ZNF804B: variants seen among roughly 807,000 people sequenced by gnomAD.
The protein encoded by ZNF804B is zinc finger 804B.
ZNF804B carries 80 observed loss-of-function variants against 101.4 expected under a neutral mutation model. That is an observed-to-expected ratio of 0.79 (90% CI 0.66 to 0.95). The LOEUF is 0.95. Among genes scored for constraint, ZNF804B ranks in the 40% least tolerant of loss-of-function variants. The probability of loss-of-function intolerance (pLI) is 0.00; values close to 1 mark genes in which losing one functional copy is unlikely to be tolerated. For missense variants in ZNF804B, 1,673 were observed against 1,561.9 expected (o/e 1.07, Z -1.20); for synonymous variants, 622 against 558.8 (o/e 1.11, Z -1.59).
intron 1 of ZNF804B, among the ~76,000 whole-genome samples, chr7:88,847,393 A>G (rs1360343941): frequency 6.6e-6 from 1 of 152,074 alleles, no homozygotes; most frequent in Non-Finnish European, 1.5e-5. Context: ...TTTTTAAAAA[A>G]TATATTTAGC....
chr7:89,075,719 A>G (rs1008088181), intron 1 of ZNF804B, among the ~76,000 whole-genome samples: 2 of 152,216 alleles, frequency 1.3e-5, no homozygotes, highest in South Asian at 2.1e-4. Context: ...CCAGAATGGT[A>G]GATAACACTG....
At chr7:89,191,988 T>C (rs951926057) in intron 1 of ZNF804B, among the ~76,000 whole-genome samples, 2 of 151,890 alleles carry the variant, frequency 1.3e-5, no homozygotes, top group Non-Finnish European at 2.9e-5. Context: ...AATTATAAAC[T>C]CTAAAAAAAA....
intron 1 of ZNF804B, among the ~76,000 whole-genome samples, chr7:88,944,673 T>C (rs1793101485): frequency 6.6e-6 from 1 of 151,812 alleles, no homozygotes; most frequent in African/African-American, 2.4e-5. Context: ...GTAATAAAAG[T>C]AACCAGAGTC....
Position 88,887,669 on chromosome 7 carries a change from A to G in ZNF804B, c.108+127585A>G, listed in dbSNP as rs1583998491. 3.9e-5 allele frequency among the ~76,000 whole-genome samples: 6 copies of G among 152,044 alleles called. 1 individual carries two copies. Among genetic ancestry groups the G allele is most frequent in the Admixed American group, 3.9e-4 (6 of 15,252 alleles). On this transcript the variant is annotated intron_variant, in intron 1 of 3. Coordinates refer to ENST00000333190, the MANE Select transcript of ZNF804B (RefSeq NM_181646.5). ...TAATGAGCCCTTTCCATATATTCTAATTGTGAATCTTGATCATAATTATAT... is the reference window on the plus strand; with the variant it reads ...TAATGAGCCCTTTCCATATATTCTAGTTGTGAATCTTGATCATAATTATAT...
At chr7:88,813,320 C>A (rs918138749) in intron 1 of ZNF804B, among the ~76,000 whole-genome samples, 1 of 150,474 alleles carries the variant, frequency 6.6e-6, no homozygotes, top group African/African-American at 2.4e-5. Context: ...CCAGCTACTC[C>A]GGAGGCTGAG....
In ZNF804B at chr7:88,975,545, A is replaced by G. The variant is rs185629550; in HGVS notation, c.108+215461A>G. Among the ~76,000 whole-genome samples, 12 of 151,504 alleles carry G rather than the reference A, an allele frequency of 7.9e-5. No homozygotes were observed. The Admixed American group carries it at 7.9e-4, about 10-fold the overall frequency. On this transcript the variant is annotated intron_variant, in intron 1 of 3. Coordinates refer to ENST00000333190, the MANE Select transcript of ZNF804B (RefSeq NM_181646.5). Reference sequence around the variant, plus strand: ...ATCTCTCATGATCCTTGACACTGAGATATACCTGTTTGCCATTTGTATGTC... The same window carrying G: ...ATCTCTCATGATCCTTGACACTGAGGTATACCTGTTTGCCATTTGTATGTC...
chr7:88,922,409 C>A (rs1028770819), intron 1 of ZNF804B, among the ~76,000 whole-genome samples: 8 of 151,976 alleles, frequency 5.3e-5, no homozygotes, highest in Non-Finnish European at 1.0e-4. Context: ...CTAAAGTTTA[C>A]ATTTGAATTT....
chr7:88,810,005 A>G (rs1183437251), intron 1 of ZNF804B, among the ~76,000 whole-genome samples: 1 of 152,232 alleles, frequency 6.6e-6, no homozygotes, highest in Non-Finnish European at 1.5e-5. Flanking sequence ...CATTTCTTAT[A>G]GAACATTTAG....
chr7:89,292,049 A>G (rs57079060), intron 2 of ZNF804B, among the ~76,000 whole-genome samples: 1 of 152,126 alleles, frequency 6.6e-6, no homozygotes, highest in Non-Finnish European at 1.5e-5. Flanking sequence ...TAGTGAAAAA[A>G]ATTCTTCAAA....
intron 1 of ZNF804B, among the ~76,000 whole-genome samples, chr7:89,054,304 AT>A (rs1789258211): frequency 2.0e-5 from 3 of 147,816 alleles, no homozygotes; most frequent in Non-Finnish European, 4.5e-5. Flanking sequence ...ATAAATATAT[AT>A]TATTACTAAT....
At chr7:88,829,430 A>G (rs1376848378) in intron 1 of ZNF804B, among the ~76,000 whole-genome samples, 11 of 152,156 alleles carry the variant, frequency 7.2e-5, no homozygotes, top group Admixed American at 7.2e-4. Context: ...TGATTAATAA[A>G]TCATAAAGCT....
chr7:88,771,276 G>A (rs2115631766), intron 1 of ZNF804B, among the ~76,000 whole-genome samples: 1 of 152,072 alleles, frequency 6.6e-6, no homozygotes, highest in South Asian at 2.1e-4. Context: ...TGAAGTAATA[G>A]CTATAATTTC....
At chr7:88,814,007 A>G (rs114950513) in intron 1 of ZNF804B, among the ~76,000 whole-genome samples, 3,186 of 152,248 alleles carry the variant, frequency 0.021, 105 homozygotes, top group African/African-American at 0.073. Context: ...AGAAACAGAG[A>G]TAAGACACTT....
intron 1 of ZNF804B, among the ~76,000 whole-genome samples, chr7:88,909,759 A>G (rs1479450056): frequency 2.7e-5 from 4 of 148,150 alleles, no homozygotes; most frequent in South Asian, 4.2e-4. Context: ...TTTCATTTAC[A>G]GGTTTTTTTT....
At chr7:89,248,072 A>G (rs1455228993) in intron 2 of ZNF804B, among the ~76,000 whole-genome samples, 1 of 152,208 alleles carries the variant, frequency 6.6e-6, no homozygotes, top group Admixed American at 6.5e-5. Context: ...AGTTTTAAAA[A>G]CAATGAACAA....
rs530742446 is a variant in ZNF804B, at chr7:89,090,775, T to C, written c.109-127380T>C. ...AAAATACTATTCTGGTCTTTAAAGA[T>C]TTTTAATTTGTTTTGGCAGGCTGCA... On this transcript the variant is annotated intron_variant, in intron 1 of 3. Coordinates refer to ENST00000333190, the MANE Select transcript of ZNF804B (RefSeq NM_181646.5). 1.2e-4 allele frequency among the ~76,000 whole-genome samples: 18 copies of C among 152,182 alleles called. No homozygotes were observed. In the South Asian group the frequency reaches 3.7e-3, roughly 32 times the overall value.
chr7:89,091,400 A>G (rs748882697), intron 1 of ZNF804B, among the ~76,000 whole-genome samples: 5 of 152,106 alleles, frequency 3.3e-5, no homozygotes, highest in Non-Finnish European at 7.4e-5. Context: ...ATTTTACAAT[A>G]TTTCTCTATT....
chr7:88,818,371 T>G (rs998799768), intron 1 of ZNF804B, among the ~76,000 whole-genome samples: 4 of 152,094 alleles, frequency 2.6e-5, no homozygotes, highest in Non-Finnish European at 5.9e-5. Flanking sequence ...AGCCAAAAAT[T>G]TTGGAAGCAA....
intron 2 of ZNF804B, among the ~76,000 whole-genome samples, chr7:89,315,222 G>A (rs189497992): frequency 1.2e-4 from 19 of 152,216 alleles, no homozygotes; most frequent in Non-Finnish European, 2.4e-4. Context: ...TCACTATGAT[G>A]AGGACAGCAC....
Sources: allele counts gnomAD v4.1 joint callset (sites outside exome capture counted in the v4.1 genomes callset), GRCh38; gene constraint gnomAD v4.1.1; transcripts MANE v1.5; gene names NCBI Gene and HGNC (gene_info 2026-07-23, HGNC 2026-07-21).